The following SLC11A2 variants were observed in gnomAD, a reference collection of about 807,000 sequenced individuals.
SLC11A2 encodes solute carrier family 11 member 2.
In SLC11A2, 38 loss-of-function variants were observed where a neutral mutation model predicts 68.0. That is an observed-to-expected ratio of 0.56 (90% CI 0.43 to 0.73). SLC11A2 has a LOEUF of 0.73. SLC11A2 is among the 30% of genes least tolerant of loss of function. The probability of loss-of-function intolerance (pLI) is 0.00; values close to 1 mark genes in which losing one functional copy is unlikely to be tolerated. For missense variants in SLC11A2, 517 were observed against 690.5 expected (o/e 0.75, Z 2.82); for synonymous variants, 242 against 250.6 (o/e 0.97, Z 0.32).
upstream of SLC11A2, chr12:51,026,394 C>T (rs768644153): frequency 9.5e-6 from 12 of 1,267,996 alleles, no homozygotes; most frequent in Non-Finnish European, 1.2e-5. Flanking sequence ...TGGCTAACGC[C>T]CTCCCCTCCC....
At chr12:51,011,486 C>G (rs1467803023) in intron 1 of SLC11A2, among the ~76,000 whole-genome samples, 1 of 151,476 alleles carries the variant, frequency 6.6e-6, no homozygotes, top group African/African-American at 2.4e-5. Context: ...TATCCATTCT[C>G]TGCCTTTGCC....
intron 11 of SLC11A2, among the ~76,000 whole-genome samples, chr12:50,993,594 G>GT (rs1555217577): frequency 7.6e-6 from 1 of 130,900 alleles, no homozygotes; most frequent in East Asian, 3.8e-4. Flanking sequence ...GGGAGGCCGA[G>GT]GGGGGGGTGG....
At chr12:50,998,221 T>C (rs914504975) in intron 8 of SLC11A2, among the ~76,000 whole-genome samples, 9 of 151,498 alleles carry the variant, frequency 5.9e-5, no homozygotes, top group African/African-American at 2.2e-4. Flanking sequence ...TAGCCAGGCA[T>C]GGTGGTACAC....
At chr12:50,966,037 T>G in the SLC11A2 span, among the ~76,000 whole-genome samples, 1 of 150,224 alleles carries the variant, frequency 6.7e-6, no homozygotes, top group African/African-American at 2.5e-5. Context: ...CCATAATCAG[T>G]TAGCCAATGC....
At chr12:50,995,541 C>G in intron 10 of SLC11A2, 88 bp downstream of exon 10, 2 of 1,274,768 alleles carry the variant, frequency 1.6e-6, no homozygotes, top group Non-Finnish European at 2.3e-6. Flanking sequence ...AACATTAACA[C>G]TAGGATGAGG....
chr12:50,959,808 C>T, the SLC11A2 span, among the ~76,000 whole-genome samples: 31 of 151,898 alleles, frequency 2.0e-4, no homozygotes, highest in Non-Finnish European at 3.5e-4. Flanking sequence ...CCACCACGCC[C>T]GGCTAATTTT....
rs1480196348 is a variant in SLC11A2, at chr12:50,988,122, C to A, written c.*203G>T. Reference sequence around the variant, plus strand: ...AATGTCAGCTTTTCAAAGATCCCACCCTAATCCAGTTCTAAGGTTAGGTCA... The same window carrying A: ...AATGTCAGCTTTTCAAAGATCCCACACTAATCCAGTTCTAAGGTTAGGTCA... On this transcript the variant is annotated 3_prime_UTR_variant, in exon 16 of 16. Transcript: ENST00000262052. 2 of 1,495,682 alleles carry A rather than the reference C, an allele frequency of 1.3e-6. No individual in the cohort carries two copies. The highest frequency in any genetic ancestry group is 2.4e-5 in the South Asian group (2 of 82,800). 92.7% of individuals were successfully genotyped at this position (1,495,682 alleles called of 1,614,324 possible). A position where few individuals can be genotyped will look rare whatever the true frequency, so the allele number is the denominator to read the frequency against.
chr12:51,013,113 A>G (rs1312473261), intron 1 of SLC11A2, among the ~76,000 whole-genome samples: 1 of 152,166 alleles, frequency 6.6e-6, no homozygotes, highest in Non-Finnish European at 1.5e-5. Flanking sequence ...GAAAAGAGGA[A>G]CTTGGCACAC....
At chr12:50,960,862 TAGAGATGG>T in the SLC11A2 span, 1 of 954,710 alleles carries the variant, frequency 1.0e-6, no homozygotes, top group Non-Finnish European at 1.5e-6. Context: ...TTTTTTTTTT[TAGAGATGG>T]GGTCTTGCTA....
At chr12:50,956,502 C>T in the SLC11A2 span, among the ~76,000 whole-genome samples, 72,457 of 152,064 alleles carry the variant, frequency 0.48, 18,243 homozygotes, top group South Asian at 0.65. Flanking sequence ...ATGCAGGTAA[C>T]TTACAAAACA....
chr12:50,995,128 T>C (rs766873927), intron 10 of SLC11A2: 28 of 233,584 alleles, frequency 1.2e-4, no homozygotes, highest in Non-Finnish European at 2.1e-4. Flanking sequence ...CTGGCCAACA[T>C]GGTGAAACCC....
intron 5 of SLC11A2, among the ~76,000 whole-genome samples, chr12:51,001,585 CA>C (rs57569917): frequency 0.16 from 17,402 of 109,118 alleles, 1,572 homozygotes; most frequent in African/African-American, 0.32. Flanking sequence ...CTTGCTTTCA[CA>C]AAAAAAAAAA....
Position 50,990,951 on chromosome 12 carries a change from G to A in SLC11A2, c.1422-3C>T, listed in dbSNP as rs765390113. On this transcript the variant is annotated splice_region_variant and splice_polypyrimidine_tract_variant and intron_variant, in intron 14 of 15. Transcript: ENST00000262052. ...TTCCTCCTGCAATCCGCCAGCCTCTGTAAAAGAAATCAGCACAGTCACTGA... is the reference window on the plus strand; with the variant it reads ...TTCCTCCTGCAATCCGCCAGCCTCTATAAAAGAAATCAGCACAGTCACTGA... 24 of 1,613,714 alleles carry A rather than the reference G, an allele frequency of 1.5e-5. No individual in the cohort carries two copies. The highest frequency in any genetic ancestry group is 4.0e-5 in the African/African-American group (3 of 74,910).
chr12:50,967,908 G>A, the SLC11A2 span, among the ~76,000 whole-genome samples: 15 of 152,190 alleles, frequency 9.9e-5, no homozygotes, highest in South Asian at 2.1e-4. Context: ...GCAACATGGC[G>A]AATACCCTAT....
At chr12:50,960,907 T>C in the SLC11A2 span, 15 of 1,395,988 alleles carry the variant, frequency 1.1e-5, no homozygotes, top group South Asian at 4.5e-5. Context: ...TTCAAACTCC[T>C]GGTCTCACAC....
rs1179336506 is a variant in SLC11A2, at chr12:51,026,326, C to T, written c.-55G>A. 2 of 1,273,772 alleles carry T rather than the reference C, an allele frequency of 1.6e-6. No homozygotes were observed. Among genetic ancestry groups the T allele is most frequent in the Admixed American group, 4.6e-5 (2 of 43,312 alleles). 78.9% of individuals were successfully genotyped at this position (1,273,772 alleles called of 1,614,324 possible). ...TCCCCTCACCTTACCAGCTCCGCAA[C>T]CACCTGACACGCCGCCCCCGCGCCC... On this transcript the variant is annotated 5_prime_UTR_variant, in exon 1 of 16. The change creates a premature stop within an existing upstream ORF in the 5' untranslated region. Transcript: ENST00000262052.
At chr12:51,016,782 G>A (rs1463711098) in intron 1 of SLC11A2, among the ~76,000 whole-genome samples, 1 of 150,252 alleles carries the variant, frequency 6.7e-6, no homozygotes, top group African/African-American at 2.5e-5. Context: ...GGGAGGCGGA[G>A]GTTGCAATAA....
In SLC11A2 at chr12:51,006,980, T is replaced by A. The variant is rs531676531; in HGVS notation, c.183+1496A>T. Reference sequence around the variant, plus strand: ...GCTGGTTGGTCTCGAACTCCTGGGCTCAAGCGATCCACCCGCCTCAGCCTC... The same window carrying A: ...GCTGGTTGGTCTCGAACTCCTGGGCACAAGCGATCCACCCGCCTCAGCCTC... On this transcript the variant is annotated intron_variant, in intron 3 of 15. Coordinates refer to ENST00000262052, the MANE Select transcript of SLC11A2 (RefSeq NM_000617.3). Among the ~76,000 whole-genome samples the A allele has an allele frequency of 5.9e-5, 9 of 152,194 alleles. No individual in the cohort carries two copies. The East Asian group carries it at 1.7e-3, about 29-fold the overall frequency.
intron 1 of SLC11A2, among the ~76,000 whole-genome samples, chr12:51,013,312 C>CAA (rs1190843826): frequency 7.7e-6 from 1 of 130,346 alleles, no homozygotes; most frequent in African/African-American, 3.0e-5. Context: ...TTTTTTGAGA[C>CAA]AGAGTTTCAC....
Sources: gnomAD v4.1 joint callset for allele counts (sites outside exome capture counted in the v4.1 genomes callset) on GRCh38, gnomAD v4.1.1 for gene constraint, MANE v1.5 for transcripts, NCBI Gene and HGNC (gene_info 2026-07-23, HGNC 2026-07-21) for gene names.